CLDN16: variants seen among roughly 807,000 people sequenced by gnomAD.
The protein encoded by CLDN16 is claudin 16, also known as claudin-16.
In CLDN16, 13 loss-of-function variants were observed where a neutral mutation model predicts 24.6. The observed-to-expected ratio is 0.53, with a 90% CI of 0.34 to 0.84. The LOEUF (loss-of-function observed/expected upper bound fraction) is 0.84. Among genes scored for constraint, CLDN16 ranks in the 40% least tolerant of loss-of-function variants. CLDN16 has a pLI of 0.01. For synonymous variants in CLDN16, 116 were observed against 106.7 expected, an observed-to-expected ratio of 1.09 and a Z score of -0.54; for missense variants, 298 against 292.7, an observed-to-expected ratio of 1.02 and a Z score of -0.13.
the CLDN16 span, among the ~76,000 whole-genome samples, chr3:190,297,524 A>T: frequency 7.0e-6 from 1 of 143,164 alleles, no homozygotes; most frequent in Admixed American, 7.2e-5. Context: ...ATATGTATAT[A>T]TATATTATAG....
At chr3:190,406,739 CTTTT>C (rs35773061) in intron 3 of CLDN16, among the ~76,000 whole-genome samples, 43 of 107,428 alleles carry the variant, frequency 4.0e-4, no homozygotes, top group Non-Finnish European at 6.1e-4. Flanking sequence ...TATTATCTGG[CTTTT>C]TTTTTTTTTT....
upstream of CLDN16, among the ~76,000 whole-genome samples, chr3:190,383,715 T>C (rs1238403389): frequency 6.6e-6 from 1 of 152,108 alleles, no homozygotes; most frequent in East Asian, 1.9e-4. Flanking sequence ...AAAAATGAAA[T>C]TGTTTTATGA....
chr3:190,394,187 A>T (rs1718757394), intron 1 of CLDN16, among the ~76,000 whole-genome samples: 2 of 152,336 alleles, frequency 1.3e-5, no homozygotes, highest in Admixed American at 1.3e-4. Context: ...TAGCATTGTT[A>T]ATATGTTAAC....
chr3:190,305,862 G>A, the CLDN16 span: 1 of 152,108 alleles, frequency 6.6e-6, no homozygotes, highest in Non-Finnish European at 1.5e-5. Context: ...CAATTTCGTT[G>A]GTCATTTTGG....
intron 1 of CLDN16, among the ~76,000 whole-genome samples, chr3:190,400,766 G>T (rs926541382): frequency 1.3e-5 from 2 of 152,120 alleles, no homozygotes; most frequent in Non-Finnish European, 2.9e-5. Flanking sequence ...ATTGTGAATA[G>T]TGTCACAAAG....
At chr3:190,316,723 T>C in the CLDN16 span, among the ~76,000 whole-genome samples, 2 of 152,240 alleles carry the variant, frequency 1.3e-5, no homozygotes, top group East Asian at 3.8e-4. Context: ...AAAAGTCACA[T>C]GGATTTATCA....
chr3:190,319,226 G>C (rs1418882804), upstream of CLDN16, among the ~76,000 whole-genome samples: 2 of 152,140 alleles, frequency 1.3e-5, no homozygotes, highest in Admixed American at 1.3e-4. Flanking sequence ...CAAGGCGAGA[G>C]GTACAGGTGA....
Position 190,411,723 on chromosome 3 carries a change from C to G in CLDN16, c.*1687C>G, listed in dbSNP as rs1719290683. ...CCCAGAGTATCTTTAACAGTATTCT[C>G]TGAAGCAGTTCCAATCTAGTTGGAG... On this transcript the variant is annotated 3_prime_UTR_variant, in exon 5 of 5. Coordinates refer to ENST00000264734, the MANE Select transcript of CLDN16 (RefSeq NM_006580.4). The G allele has an allele frequency of 6.6e-6, 1 of 152,128 alleles. No homozygotes were observed. The highest frequency in any genetic ancestry group is 1.5e-5 in the Non-Finnish European group (1 of 67,994). 9.4% of individuals were successfully genotyped at this position (152,128 alleles called of 1,614,324 possible).
chr3:190,371,795 T>C (rs1390384610), intron 2 of CLDN16, among the ~76,000 whole-genome samples: 1 of 151,972 alleles, frequency 6.6e-6, no homozygotes, highest in Non-Finnish European at 1.5e-5. Context: ...TGAACCCTAG[T>C]TCCAAGTCAG....
chr3:190,325,667 G>A (rs1447552270), intron 1 of CLDN16, among the ~76,000 whole-genome samples: 1 of 152,162 alleles, frequency 6.6e-6, no homozygotes, highest in Non-Finnish European at 1.5e-5. Flanking sequence ...AGAGAGTGTA[G>A]ACAAAGAACC....
At chr3:190,381,505 T>C (rs546260159) in intron 3 of CLDN16, among the ~76,000 whole-genome samples, 3 of 152,240 alleles carry the variant, frequency 2.0e-5, no homozygotes, top group African/African-American at 7.2e-5. Flanking sequence ...ACTCTGGACA[T>C]ACCAAAGTAC....
At chr3:190,299,448 G>C in the CLDN16 span, among the ~76,000 whole-genome samples, 1 of 151,934 alleles carries the variant, frequency 6.6e-6, no homozygotes, top group Non-Finnish European at 1.5e-5. Flanking sequence ...CTTTAACATA[G>C]TTGTATGTAA....
chr3:190,357,556 A>G (rs1717801904), intron 1 of CLDN16, among the ~76,000 whole-genome samples: 1 of 151,804 alleles, frequency 6.6e-6, no homozygotes, highest in Non-Finnish European at 1.5e-5. Flanking sequence ...AGGAATTCCA[A>G]TTTTCCAAAG....
the CLDN16 span, chr3:190,307,698 G>A: frequency 6.6e-6 from 1 of 152,438 alleles, no homozygotes; most frequent in African/African-American, 2.4e-5. Flanking sequence ...AATAAAATAA[G>A]TATATGAAAA....
chr3:190,410,238 T>A lies in CLDN16; in HGVS notation c.*202T>A. 1.7e-6 allele frequency: 1 copy of A among 605,444 alleles called. No individual in the cohort carries two copies. Among genetic ancestry groups the A allele is most frequent in the South Asian group, 2.0e-5 (1 of 51,186 alleles). The allele number at this position is 605,444 out of a possible 1,614,324, so 37.5% of individuals were successfully genotyped here. A position where few individuals can be genotyped will look rare whatever the true frequency, so the allele number is the denominator to read the frequency against. Reference sequence around the variant, plus strand: ...TTCCCGTCATTCTCTCTGCTAACCTTCCACCTTATGCACACACTTTCCCTA... The same window carrying A: ...TTCCCGTCATTCTCTCTGCTAACCTACCACCTTATGCACACACTTTCCCTA... On this transcript the variant is annotated 3_prime_UTR_variant, in exon 5 of 5. Transcript: ENST00000264734.
intron 1 of CLDN16, among the ~76,000 whole-genome samples, chr3:190,359,069 T>C (rs1221498369): frequency 6.6e-6 from 1 of 152,040 alleles, no homozygotes; most frequent in Non-Finnish European, 1.5e-5. Context: ...GTTAATAAAC[T>C]TTTCTTATAA....
At chr3:190,325,728 A>G (rs1717046768) in intron 1 of CLDN16, among the ~76,000 whole-genome samples, 1 of 152,216 alleles carries the variant, frequency 6.6e-6, no homozygotes, top group African/African-American at 2.4e-5. Context: ...TAATGATGAC[A>G]GTATGAAAGC....
At chr3:190,311,173 G>A in the CLDN16 span, among the ~76,000 whole-genome samples, 8,826 of 152,226 alleles carry the variant, frequency 0.058, 332 homozygotes, top group Middle Eastern at 0.092. Context: ...ACTCCTAAGA[G>A]AAGTCCCTGA....
chr3:190,323,940 G>A (rs116294931), intron 1 of CLDN16, among the ~76,000 whole-genome samples: 72 of 152,214 alleles, frequency 4.7e-4, no homozygotes, highest in African/African-American at 1.7e-3. Context: ...GACCATGTTC[G>A]TGTTGTATCC....
Sources: gnomAD v4.1 joint callset for allele counts (sites outside exome capture counted in the v4.1 genomes callset) on GRCh38, gnomAD v4.1.1 for gene constraint, MANE v1.5 for transcripts, NCBI Gene and HGNC (gene_info 2026-07-23, HGNC 2026-07-21) for gene names.